The following SDK1 variants were observed in gnomAD, a reference collection of about 807,000 sequenced individuals.
SDK1 encodes protein sidekick-1.
Under a neutral mutation model 245.5 loss-of-function variants are expected in SDK1, and 157 were observed. The observed-to-expected ratio is 0.64, with a 90% CI of 0.56 to 0.73. The LOEUF is 0.73. Among genes scored for constraint, SDK1 ranks in the 30% least tolerant of loss-of-function variants. The probability of loss-of-function intolerance (pLI) is 0.00; values close to 1 mark genes in which losing one functional copy is unlikely to be tolerated. For missense variants in SDK1, 3,583 were observed against 3,002.3 expected (o/e 1.19, Z -4.52); for synonymous variants, 1,647 against 1,278.5 (o/e 1.29, Z -6.15).
chr7:3,676,214 T>G (rs2114977204), intron 4 of SDK1, among the ~76,000 whole-genome samples: 1 of 152,168 alleles, frequency 6.6e-6, no homozygotes, highest in African/African-American at 2.4e-5. Context: ...AGACGGGGTC[T>G]CACTATGTTG....
At chr7:3,582,996 G>A (rs779334935) in intron 1 of SDK1, among the ~76,000 whole-genome samples, 1 of 152,202 alleles carries the variant, frequency 6.6e-6, no homozygotes, top group Non-Finnish European at 1.5e-5. Context: ...GTGCTGCAGA[G>A]TGCATTCCCA....
In SDK1 at chr7:4,118,619, T is replaced by C. The variant is rs573669295; in HGVS notation, c.3823+4345T>C. ...AGAAAACATATGTCTACACAAAATCTTGCACATAAATGTTCATAGCAGCTT... is the reference window on the plus strand; with the variant it reads ...AGAAAACATATGTCTACACAAAATCCTGCACATAAATGTTCATAGCAGCTT... On this transcript the variant is annotated intron_variant, in intron 25 of 44. Coordinates refer to ENST00000404826, the MANE Select transcript of SDK1 (RefSeq NM_152744.4). 1.1e-4 allele frequency among the ~76,000 whole-genome samples: 13 copies of C among 123,786 alleles called. 3 individuals are homozygous for C. Among genetic ancestry groups the C allele is most frequent in the South Asian group, 2.8e-4 (1 of 3,588 alleles). 81.2% of individuals were successfully genotyped at this position (123,786 alleles called of 152,430 possible).
chr7:3,986,736 C>T (rs532871875), intron 13 of SDK1, among the ~76,000 whole-genome samples: 1 of 152,262 alleles, frequency 6.6e-6, no homozygotes, highest in South Asian at 2.1e-4. Flanking sequence ...TGGCAGGCGC[C>T]TATAATCCCA....
At chr7:4,008,183 C>T (rs1056820813) in intron 14 of SDK1, among the ~76,000 whole-genome samples, 1 of 152,170 alleles carries the variant, frequency 6.6e-6, no homozygotes, top group Non-Finnish European at 1.5e-5. Flanking sequence ...GTATACTGTC[C>T]TCAAGGTTCA....
chr7:3,847,473 T>C (rs1451656422), intron 5 of SDK1, among the ~76,000 whole-genome samples: 1 of 152,228 alleles, frequency 6.6e-6, no homozygotes, highest in Non-Finnish European at 1.5e-5. Flanking sequence ...AGGAGACTCC[T>C]TATGGCCATG....
At chr7:3,452,643 A>G (rs1780551454) in intron 1 of SDK1, among the ~76,000 whole-genome samples, 1 of 152,204 alleles carries the variant, frequency 6.6e-6, no homozygotes, top group African/African-American at 2.4e-5. Flanking sequence ...CCAACCAGCT[A>G]TGTTATAGAA....
chr7:3,757,529 G>T (rs185920723), intron 4 of SDK1, among the ~76,000 whole-genome samples: 13 of 152,204 alleles, frequency 8.5e-5, no homozygotes, highest in South Asian at 2.1e-4. Context: ...GAGTCACCAG[G>T]CCTGACCAGG....
rs71524029 is a variant in SDK1 at position 4,237,586 on chromosome 7, G to A, written c.5993-61G>A. 4.1e-4 allele frequency: 657 copies of A among 1,601,076 alleles called. 1 individual carries two copies. The highest frequency in any genetic ancestry group is 4.5e-4 in the Non-Finnish European group (528 of 1,169,554). On this transcript the variant is annotated intron_variant, in intron 41 of 44. Transcript: ENST00000404826. Reference sequence around the variant, plus strand: ...TTCCCTGCCAACCACCTGACTCGCGGGAGGTGACTGCAGCTGGAGCGTCTG... The same window carrying A: ...TTCCCTGCCAACCACCTGACTCGCGAGAGGTGACTGCAGCTGGAGCGTCTG...
At chr7:3,685,722 A>G (rs1471183948) in intron 4 of SDK1, among the ~76,000 whole-genome samples, 1 of 152,212 alleles carries the variant, frequency 6.6e-6, no homozygotes, top group East Asian at 1.9e-4. Flanking sequence ...AAAGTATCAT[A>G]TATGTACATT....
At chr7:3,623,439 C>G (rs960333412) in intron 2 of SDK1, among the ~76,000 whole-genome samples, 3 of 151,924 alleles carry the variant, frequency 2.0e-5, no homozygotes, top group Non-Finnish European at 4.4e-5. Context: ...AGGGGTTTCA[C>G]CATGATGGCC....
intron 1 of SDK1, among the ~76,000 whole-genome samples, chr7:3,447,452 A>G (rs918045498): frequency 6.6e-6 from 1 of 152,104 alleles, no homozygotes; most frequent in African/African-American, 2.4e-5. Flanking sequence ...CATGTGTTGG[A>G]CTTCAATAAT....
intron 5 of SDK1, among the ~76,000 whole-genome samples, chr7:3,896,879 G>A (rs931461118): frequency 6.6e-6 from 1 of 152,146 alleles, no homozygotes; most frequent in Non-Finnish European, 1.5e-5. Flanking sequence ...AACTACCTGA[G>A]ACTGGGTAAT....
intron 1 of SDK1, among the ~76,000 whole-genome samples, chr7:3,535,409 T>C (rs1778852537): frequency 6.6e-6 from 1 of 152,194 alleles, no homozygotes; most frequent in African/African-American, 2.4e-5. Flanking sequence ...AGTTTATAGC[T>C]CTTATCCCTA....
At chr7:3,707,921 C>G (rs1330637085) in intron 4 of SDK1, among the ~76,000 whole-genome samples, 2 of 152,078 alleles carry the variant, frequency 1.3e-5, no homozygotes, top group Non-Finnish European at 2.9e-5. Context: ...TTTTTCCATC[C>G]CCTTACCTTG....
At chr7:3,879,511 A>C (rs1781153985) in intron 5 of SDK1, among the ~76,000 whole-genome samples, 1 of 152,144 alleles carries the variant, frequency 6.6e-6, no homozygotes, top group Non-Finnish European at 1.5e-5. Flanking sequence ...GCCCTTTTCA[A>C]GGGGCCAGGC....
At chr7:3,807,418 C>T (rs1420968791) in intron 4 of SDK1, among the ~76,000 whole-genome samples, 1 of 152,148 alleles carries the variant, frequency 6.6e-6, no homozygotes, top group African/African-American at 2.4e-5. Flanking sequence ...ATGGTAATGC[C>T]AGGGGCTGCC....
At chr7:3,801,343 A>G (rs1055831691) in intron 4 of SDK1, among the ~76,000 whole-genome samples, 7 of 152,136 alleles carry the variant, frequency 4.6e-5, no homozygotes, top group African/African-American at 1.7e-4. Flanking sequence ...TCTCTTTCCA[A>G]TGTCATTGCA....
rs113952576 is a variant in SDK1 at position 3,884,794 on chromosome 7, A to C, written c.847+63211A>C. On this transcript the variant is annotated intron_variant, in intron 5 of 44. Coordinates refer to ENST00000404826, the MANE Select transcript of SDK1 (RefSeq NM_152744.4). ...TACATCTCTGGTGTGGCTCCTTCCA[A>C]CTTGTGAAGGACAAGGTAACTCCTC... 6.6e-3 allele frequency among the ~76,000 whole-genome samples: 1,010 copies of C among 152,288 alleles called. 14 individuals are homozygous for C. The highest frequency in any genetic ancestry group is 0.036 in the South Asian group (176 of 4,830).
intron 22 of SDK1, among the ~76,000 whole-genome samples, chr7:4,110,427 C>A (rs574689395): frequency 6.6e-6 from 1 of 152,170 alleles, no homozygotes; most frequent in African/African-American, 2.4e-5. Context: ...CTTCTGTGGC[C>A]CAGTTCTTGA....
Sources: gnomAD v4.1 joint callset for allele counts (sites outside exome capture counted in the v4.1 genomes callset) on GRCh38, gnomAD v4.1.1 for gene constraint, MANE v1.5 for transcripts, NCBI Gene and HGNC (gene_info 2026-07-23, HGNC 2026-07-21) for gene names.